ZNF880: variants seen among roughly 807,000 people sequenced by gnomAD.
ZNF880 encodes the protein zinc finger protein 880, also known as zinc finger protein LOC400713.
ZNF880 carries 12 observed loss-of-function variants against 11.8 expected under a neutral mutation model. The ratio of observed to expected loss-of-function variants is 1.02; its 90% confidence interval spans 0.65 to 1.65. The LOEUF (loss-of-function observed/expected upper bound fraction) is 1.65. Ranked by LOEUF, ZNF880 falls within the 40% of genes most tolerant of loss-of-function variation. The pLI, the probability that ZNF880 is intolerant of heterozygous loss-of-function variation, is 0.00. For synonymous variants in ZNF880, 210 were observed against 232.4 expected (o/e 0.90, Z 0.88); for missense variants, 601 against 673.9 (o/e 0.89, Z 1.20).
intron 3 of ZNF880, chr19:52,379,886 C>A (rs1345698988): frequency 7.4e-6 from 1 of 135,292 alleles, no homozygotes; most frequent in Non-Finnish European, 1.7e-5. Context: ...GAGAAAATGT[C>A]ATACTTATTT....
intron 3 of ZNF880, chr19:52,379,480 T>C (rs10445583): frequency 0.39 from 174,271 of 446,150 alleles, 35,444 homozygotes; most frequent in South Asian, 0.52. Flanking sequence ...ACTGCAACCT[T>C]CGCTTCCTGG....
At chr19:52,391,405 T>G in the ZNF880 span, 3 of 144,738 alleles carry the variant, frequency 2.1e-5, no homozygotes, top group East Asian at 2.0e-4. Flanking sequence ...GAATAAGAGG[T>G]GAAAGAAGTG....
intron 1 of ZNF880, 122 bp downstream of exon 1, chr19:52,370,099 A>C: frequency 7.8e-7 from 1 of 1,278,776 alleles, no homozygotes; most frequent in Non-Finnish European, 1.1e-6. Flanking sequence ...CCCCGACTAA[A>C]CTCAGACGTT....
Position 52,384,574 on chromosome 19 carries a change from G to T in ZNF880, c.994G>T (p.Ala332Ser). 6.2e-7 allele frequency: 1 copy of T among 1,613,646 alleles called. No homozygotes were observed. Among genetic ancestry groups the T allele is most frequent in the Non-Finnish European group, 8.5e-7 (1 of 1,179,826 alleles). Residue 332 changes from alanine (A) to serine (S), a missense_variant, in exon 4 of 4, where the codon GCA (alanine) becomes TCA (serine). Physicochemically the swap from Ala to Ser is moderately conservative, Grantham distance 99. This residue lies in a region of ZNF880 where 420 missense variants were observed against 442.6 expected (regional missense o/e 0.95). Coordinates refer to ENST00000422689, the MANE Select transcript of ZNF880 (RefSeq NM_001145434.2). ...KPYKCKECGKAFSGGSGLTAH... is the reference protein window; with the variant it reads ...KPYKCKECGKSFSGGSGLTAH... ...TTACAAATGTAAGGAATGTGGCAAAGCATTTTCAGGGGGTTCAGGCCTTAC... is the reference window on the plus strand; with the variant it reads ...TTACAAATGTAAGGAATGTGGCAAATCATTTTCAGGGGGTTCAGGCCTTAC...
chr19:52,372,619 G>T (rs758096619), intron 1 of ZNF880, among the ~76,000 whole-genome samples: 10 of 149,888 alleles, frequency 6.7e-5, no homozygotes, highest in Non-Finnish European at 1.3e-4. Flanking sequence ...AGAATATCAG[G>T]TTGGGCATGC....
At chr19:52,391,887 ACAAT>A in the ZNF880 span, among the ~76,000 whole-genome samples, 1 of 152,176 alleles carries the variant, frequency 6.6e-6, no homozygotes, top group African/African-American at 2.4e-5. Context: ...TTTTCTACTC[ACAAT>A]CAACACAATA....
upstream of ZNF880, chr19:52,369,883 A>G: frequency 8.5e-6 from 13 of 1,535,836 alleles, no homozygotes; most frequent in Non-Finnish European, 1.1e-5. Context: ...GCCCAATCCC[A>G]CCCGGGCCTG....
At chr19:52,387,200 A>G (rs1226849890), downstream of ZNF880, among the ~76,000 whole-genome samples, 1 of 144,470 alleles carries the variant, frequency 6.9e-6, no homozygotes, top group Non-Finnish European at 1.5e-5. Flanking sequence ...TGACGCATCC[A>G]GAACAATTTT....
chr19:52,393,260 A>G, the ZNF880 span, among the ~76,000 whole-genome samples: 3 of 151,660 alleles, frequency 2.0e-5, no homozygotes, highest in African/African-American at 7.3e-5. Context: ...TTTAGTAGAG[A>G]GAGGGTTTCA....
At chr19:52,392,219 T>C in the ZNF880 span, among the ~76,000 whole-genome samples, 26 of 152,188 alleles carry the variant, frequency 1.7e-4, no homozygotes, top group Non-Finnish European at 3.7e-4. Flanking sequence ...TCCTAATAAA[T>C]TAATGGAAAC....
At chr19:52,379,616 A>G (rs1986653847) in intron 3 of ZNF880, 1 of 315,624 alleles carries the variant, frequency 3.2e-6, no homozygotes, top group East Asian at 1.0e-4. Context: ...GCTAGATGGC[A>G]GTGGTGCAGT....
intron 3 of ZNF880, among the ~76,000 whole-genome samples, chr19:52,377,158 A>G (rs928624257): frequency 6.6e-6 from 1 of 152,146 alleles, no homozygotes; most frequent in Non-Finnish European, 1.5e-5. Context: ...GGGTCTGCAT[A>G]GACCTGCCTC....
At chr19:52,369,188 C>T (rs1429486674), upstream of ZNF880, among the ~76,000 whole-genome samples, 1 of 151,666 alleles carries the variant, frequency 6.6e-6, no homozygotes, top group Non-Finnish European at 1.5e-5. Flanking sequence ...TGGAGAAACC[C>T]TGTCTCTATT....
At chr19:52,382,370 T>C (rs995549074) in intron 3 of ZNF880, among the ~76,000 whole-genome samples, 1 of 152,190 alleles carries the variant, frequency 6.6e-6, no homozygotes, top group African/African-American at 2.4e-5. Context: ...CCTTTAATGG[T>C]GAACTTTCTA....
chr19:52,384,908 A>C lies in ZNF880; in HGVS notation c.1328A>C (p.Lys443Thr), dbSNP rs781288356. Reference sequence around the variant, plus strand: ...CCTTACAAATGTAAAGAATGTGCCAAGGTCTTCAGGCATAGATTATCCCTA... The same window carrying C: ...CCTTACAAATGTAAAGAATGTGCCACGGTCTTCAGGCATAGATTATCCCTA... ...EKPYKCKECA[K>T]VFRHRLSLSN... The change falls in exon 4 of 4, where the codon AAG becomes ACG. Residue 443 changes from lysine (K) to threonine (T), a missense_variant. By Grantham distance (78) the Lys-to-Thr change is moderately conservative. Around this residue, in one of 3 missense-constraint regions of ZNF880, gnomAD observed 177 missense variants for 214.5 expected, o/e 0.83. Coordinates refer to ENST00000422689, the MANE Select transcript of ZNF880 (RefSeq NM_001145434.2). 1 of 1,605,006 alleles carries C rather than the reference A, an allele frequency of 6.2e-7. No individual in the cohort carries two copies. Among genetic ancestry groups the C allele is most frequent in the Non-Finnish European group, 8.5e-7 (1 of 1,175,358 alleles).
At chr19:52,372,583 C>G (rs1331006193) in intron 1 of ZNF880, among the ~76,000 whole-genome samples, 1 of 150,250 alleles carries the variant, frequency 6.7e-6, no homozygotes, top group African/African-American at 2.4e-5. Flanking sequence ...CCACCGCGCC[C>G]GGCCTAGAAA....
At chr19:52,381,630 A>T (rs1986707341) in intron 3 of ZNF880, among the ~76,000 whole-genome samples, 1 of 109,638 alleles carries the variant, frequency 9.1e-6, no homozygotes, top group African/African-American at 3.9e-5. Context: ...TTATCTGTAG[A>T]TTTTTTAAAT....
rs759348115 is a variant in ZNF880, at chr19:52,385,184, TA to T, written c.1611del (p.Lys537AsnfsTer60). On this transcript the variant is annotated frameshift_variant, in exon 4 of 4. Transcript: ENST00000422689. LOFTEE classifies it low-confidence loss of function (END_TRUNC). ...CGKVFSHKLYLKKHERIHTGE... is the reference protein window; with the variant it reads ...CGKVFSHKLYXKKHERIHTGE... ...AAGGTCTTCAGCCACAAGTTATACC[TA>T]AAAAAACATGAGAGAATTCATACTG... 6.4e-7 allele frequency: 1 copy of T among 1,552,650 alleles called. No individual in the cohort carries two copies. Among genetic ancestry groups the T allele is most frequent in the Non-Finnish European group, 8.7e-7 (1 of 1,147,842 alleles).
intron 1 of ZNF880, chr19:52,370,305 G>C: frequency 5.5e-6 from 2 of 361,572 alleles, no homozygotes; most frequent in East Asian, 1.0e-4. Context: ...CGTCTTTCCG[G>C]TCCCCCAAGC....
Sources: allele counts gnomAD v4.1 joint callset (sites outside exome capture counted in the v4.1 genomes callset), GRCh38; gene constraint gnomAD v4.1.1; regional missense constraint gnomAD v4.1.1; transcripts MANE v1.5; gene names NCBI Gene and HGNC (gene_info 2026-07-23, HGNC 2026-07-21).